The following FXYD7 variants were observed in gnomAD, a reference collection of about 807,000 sequenced individuals.
FXYD7 encodes the protein FXYD domain-containing ion transport regulator 7.
In FXYD7, 7 loss-of-function variants were observed where a neutral mutation model predicts 15.3. The ratio of observed to expected loss-of-function variants is 0.46; its 90% confidence interval spans 0.26 to 0.86. FXYD7 has a LOEUF of 0.86. FXYD7 is among the 40% of genes least tolerant of loss of function. The pLI is 0.16. For missense variants in FXYD7, 78 were observed against 100.6 expected, an observed-to-expected ratio of 0.78 and a Z score of 0.96; for synonymous variants, 39 against 39.3, an observed-to-expected ratio of 0.99 and a Z score of 0.03.
intron 5 of FXYD7, among the ~76,000 whole-genome samples, chr19:35,152,320 AG>A (rs2065314234): frequency 6.6e-6 from 1 of 151,680 alleles, no homozygotes; most frequent in African/African-American, 2.4e-5. Context: ...TTGCCAGGAG[AG>A]GAAGACACAG....
At chr19:35,148,079 GAA>G (rs1184170494) in intron 1 of FXYD7, among the ~76,000 whole-genome samples, 16 of 124,082 alleles carry the variant, frequency 1.3e-4, no homozygotes, top group East Asian at 8.3e-4. Flanking sequence ...AAGAAAGAAA[GAA>G]AGAAAGAAAG....
chr19:35,148,712 C>A lies in FXYD7; in HGVS notation c.50C>A (p.Pro17Gln). 1.3e-6 allele frequency: 2 copies of A among 1,588,390 alleles called. No homozygotes were observed. Among genetic ancestry groups the A allele is most frequent in the Non-Finnish European group, 1.7e-6 (2 of 1,161,884 alleles). ...TPTKAPEEPD[P>Q]FYYDYNTVQT... ...CCCTCAGCTCCTGAGGAACCTGACC[C>A]ATTTTACTATGGTGAGTGTTGGATT... Residue 17 changes from proline (P) to glutamine (Q), a missense_variant, in exon 2 of 6, where the codon CCA becomes CAA. Coordinates refer to ENST00000270310, the MANE Select transcript of FXYD7 (RefSeq NM_022006.2).
chr19:35,144,748 G>A (rs1039813640), intron 1 of FXYD7, among the ~76,000 whole-genome samples: 1 of 152,128 alleles, frequency 6.6e-6, no homozygotes, highest in African/African-American at 2.4e-5. Context: ...AGAGGTGGTG[G>A]TTAGCAGGAT....
rs71167517 is a variant in FXYD7 at position 35,152,134 on chromosome 19, C to CAAAAAA, written c.220+477_220+482dup. 6.1e-3 allele frequency among the ~76,000 whole-genome samples: 276 copies of CAAAAAA among 45,118 alleles called. 10 individuals are homozygous for CAAAAAA. The highest frequency in any genetic ancestry group is 0.021 in the African/African-American group (236 of 11,508). 29.6% of individuals were successfully genotyped at this position (45,118 alleles called of 152,430 possible). A position where few individuals can be genotyped will look rare whatever the true frequency, so the allele number is the denominator to read the frequency against. On this transcript the variant is annotated intron_variant, in intron 5 of 5. Coordinates refer to ENST00000270310, the MANE Select transcript of FXYD7 (RefSeq NM_022006.2). ...AGCCTGGGTGATAGAGTGAGACTGT[C>CAAAAAA]AAAAAAAAAAAAAAAAAAAAAGAGG...
At chr19:35,149,634 C>T (rs891562166) in intron 2 of FXYD7, 1 of 153,604 alleles carries the variant, frequency 6.5e-6, no homozygotes, top group Non-Finnish European at 1.4e-5. Context: ...ACTTAGCGGG[C>T]ACAGGCTCTA....
At chr19:35,151,866 C>T (rs559214511) in intron 5 of FXYD7, among the ~76,000 whole-genome samples, 193 bp downstream of exon 5, 4 of 152,112 alleles carry the variant, frequency 2.6e-5, no homozygotes, top group East Asian at 3.9e-4. Flanking sequence ...TGGCTGGGCG[C>T]GGTGGCTCAT....
chr19:35,152,690 GGGGAGGAGGAT>G (rs2065315814), intron 5 of FXYD7, among the ~76,000 whole-genome samples: 1 of 151,830 alleles, frequency 6.6e-6, no homozygotes, highest in South Asian at 2.1e-4. Context: ...CAGGAAGGAA[GGGGAGGAGGAT>G]GGGAGGAGGA....
In FXYD7 at chr19:35,151,692, G is replaced by A; in HGVS notation, c.220+19G>A. ...TCTTCAGGTGAGGGTGAGAAACTGTGTGGTTCTGGGAGAGTTTTAGGTGGG... is the reference window on the plus strand; with the variant it reads ...TCTTCAGGTGAGGGTGAGAAACTGTATGGTTCTGGGAGAGTTTTAGGTGGG... On this transcript the variant is annotated intron_variant, in intron 5 of 5. Transcript: ENST00000270310. The A allele has an allele frequency of 6.2e-7, 1 of 1,603,060 alleles. No homozygotes were observed. The highest frequency in any genetic ancestry group is 1.3e-5 in the African/African-American group (1 of 74,724).
At chr19:35,153,779 G>T (rs1010757251) in intron 5 of FXYD7, 115 bp from the exon 6 acceptor site, 10 of 922,918 alleles carry the variant, frequency 1.1e-5, no homozygotes, top group Non-Finnish European at 1.8e-5. Flanking sequence ...TAGCTCTGGG[G>T]TGACAGTCCC....
intron 1 of FXYD7, among the ~76,000 whole-genome samples, chr19:35,148,199 A>G (rs1307564379): frequency 6.6e-6 from 1 of 152,168 alleles, no homozygotes; most frequent in African/African-American, 2.4e-5. Flanking sequence ...TGGATGGAGT[A>G]TCAGGAGTGA....
intron 4 of FXYD7, 46 bp from the exon 5 acceptor site, chr19:35,151,586 GT>G (rs780779173): frequency 1.2e-6 from 2 of 1,601,956 alleles, no homozygotes; most frequent in Non-Finnish European, 1.7e-6. Flanking sequence ...AAAGCCTATG[GT>G]TATTGAACCT....
In FXYD7 at chr19:35,143,616, T is replaced by G. The variant is rs1301654995; in HGVS notation, c.31+252T>G. Among the ~76,000 whole-genome samples, 2 of 151,964 alleles carry G rather than the reference T, an allele frequency of 1.3e-5. No homozygotes were observed. The highest frequency in any genetic ancestry group is 4.8e-5 in the African/African-American group (2 of 41,396). On this transcript the variant is annotated intron_variant, in intron 1 of 5. Transcript: ENST00000270310. The surrounding 1 kb of genome is among the most constrained non-coding windows in gnomAD (Gnocchi z 4.3). ...GTGGCAGTCCCGGGAGAAGGGATGC[T>G]CGGACAGGTCGCTATGGCAACCGGG... is the stretch of plus-strand genomic sequence containing the variant.
At chr19:35,146,764 G>A (rs2065290106) in intron 1 of FXYD7, among the ~76,000 whole-genome samples, 1 of 152,164 alleles carries the variant, frequency 6.6e-6, no homozygotes, top group African/African-American at 2.4e-5. Flanking sequence ...CTTAGGTAAA[G>A]GGGGGAGATT....
chr19:35,151,875 A>G (rs1232257071), intron 5 of FXYD7, among the ~76,000 whole-genome samples: 2 of 152,118 alleles, frequency 1.3e-5, no homozygotes, highest in Non-Finnish European at 2.9e-5. Context: ...GCGGTGGCTC[A>G]TGCCTGTAAT....
chr19:35,143,494 G>T lies in FXYD7; in HGVS notation c.31+130G>T, dbSNP rs1687987. On this transcript the variant is annotated intron_variant, in intron 1 of 5. Transcript: ENST00000270310. This position sits in a 1 kb window ranked among gnomAD's most constrained non-coding sequence, Gnocchi z 4.3. ...GGAGGGAGGTCCGCTCCTCCTGTGG[G>T]CGGAAGCCCCTGTAATGCGCCCCCC... 1.4e-6 allele frequency: 1 copy of T among 721,636 alleles called. No individual in the cohort carries two copies. The highest frequency in any genetic ancestry group is 2.1e-6 in the Non-Finnish European group (1 of 476,752). The allele number at this position is 721,636 out of a possible 1,614,324, so 44.7% of individuals were successfully genotyped here. A position where few individuals can be genotyped will look rare whatever the true frequency, so the allele number is the denominator to read the frequency against.
chr19:35,153,509 G>T (rs1370809723), intron 5 of FXYD7, among the ~76,000 whole-genome samples: 1 of 152,210 alleles, frequency 6.6e-6, no homozygotes, highest in African/African-American at 2.4e-5. Flanking sequence ...GGTCTGCAGC[G>T]GGTGGGGAAT....
intron 1 of FXYD7, among the ~76,000 whole-genome samples, chr19:35,146,110 T>G (rs1390681063): frequency 6.6e-6 from 1 of 152,028 alleles, no homozygotes; most frequent in Non-Finnish European, 1.5e-5. Flanking sequence ...CGAGCTTTAT[T>G]TTATAGCACC....
At chr19:35,153,599 G>A (rs2065324855) in intron 5 of FXYD7, among the ~76,000 whole-genome samples, 1 of 152,172 alleles carries the variant, frequency 6.6e-6, no homozygotes, top group African/African-American at 2.4e-5. Context: ...GATTGCAAAT[G>A]GGAAGGGAGA....
chr19:35,153,005 T>TATTTGGTGTG (rs1363613688), intron 5 of FXYD7, among the ~76,000 whole-genome samples: 1 of 139,684 alleles, frequency 7.2e-6, no homozygotes, highest in Non-Finnish European at 1.5e-5. Flanking sequence ...GGTTGAGAAG[T>TATTTGGTGTG]ATTTGGTGTG....
Sources: allele counts gnomAD v4.1 joint callset (sites outside exome capture counted in the v4.1 genomes callset), GRCh38; gene constraint gnomAD v4.1.1; non-coding constraint Gnocchi (gnomAD v3.1); transcripts MANE v1.5; gene names NCBI Gene and HGNC (gene_info 2026-07-23, HGNC 2026-07-21).